ADAMTS4: variants seen among roughly 807,000 people sequenced by gnomAD.
ADAMTS4 encodes A disintegrin and metalloproteinase with thrombospondin motifs 4.
In ADAMTS4, 38 loss-of-function variants were observed where a neutral mutation model predicts 66.7. The observed-to-expected ratio is 0.57, with a 90% CI of 0.44 to 0.75. ADAMTS4 has a LOEUF of 0.75. Ranked by LOEUF, ADAMTS4 falls within the 30% of genes least tolerant of loss-of-function variation. The pLI is 0.00. For missense variants in ADAMTS4, 1,014 were observed against 1,116.7 expected, an observed-to-expected ratio of 0.91 and a Z score of 1.31; for synonymous variants, 418 against 461.5, an observed-to-expected ratio of 0.91 and a Z score of 1.21.
chr1:161,193,839 A>G lies in ADAMTS4; in HGVS notation c.1549-13T>C. ...CAGCCTGTGGAATCTGCAAAGGCAC[A>G]GAACGGAAGTGGGGCATAAGTGAAC... On this transcript the variant is annotated splice_polypyrimidine_tract_variant and intron_variant, in intron 5 of 8. Transcript: ENST00000367996. The surrounding 1 kb of genome is among the most constrained non-coding windows in gnomAD (Gnocchi z 4.4). 1 of 1,595,028 alleles carries G rather than the reference A, an allele frequency of 6.3e-7. No homozygotes were observed. Among genetic ancestry groups the G allele is most frequent in the Non-Finnish European group, 8.5e-7 (1 of 1,169,724 alleles).
rs1664735646 is a variant in ADAMTS4, at chr1:161,193,665, G to A, written c.1710C>T (p.Asn570=). 1 of 1,612,938 alleles carries A rather than the reference G, an allele frequency of 6.2e-7. No individual in the cohort carries two copies. The highest frequency in any genetic ancestry group is 1.3e-5 in the African/African-American group (1 of 74,906). Residue 570 remains asparagine, a synonymous_variant, in exon 6 of 9, where the codon AAC becomes AAT. Transcript: ENST00000367996. The surrounding 1 kb of genome is among the most constrained non-coding windows in gnomAD (Gnocchi z 4.4). ...EGRRTRFRSC[N]TEDCPTGSAL... ...CTGAGCCAGTTGGGCAGTCCTCAGT[G>A]TTGCAGGAGCGGAAGCGGGTACGGC...
chr1:161,195,037 A>G (rs901941322), intron 4 of ADAMTS4, among the ~76,000 whole-genome samples: 1 of 152,204 alleles, frequency 6.6e-6, no homozygotes, highest in African/African-American at 2.4e-5. Context: ...AAAACAAAAC[A>G]AAACAAAACA....
Position 161,193,529 on chromosome 1 carries a change from C to T in ADAMTS4, c.1735+111G>A. Reference sequence around the variant, plus strand: ...AAGGACAATTCCCAGAGGTTAAAGGCACTCCCCACAGCAGCAGGGGAATCA... The same window carrying T: ...AAGGACAATTCCCAGAGGTTAAAGGTACTCCCCACAGCAGCAGGGGAATCA... On this transcript the variant is annotated intron_variant, in intron 6 of 8. Transcript: ENST00000367996. This position sits in a 1 kb window ranked among gnomAD's most constrained non-coding sequence, Gnocchi z 4.4. 6.6e-7 allele frequency: 1 copy of T among 1,508,072 alleles called. No homozygotes were observed. The highest frequency in any genetic ancestry group is 9.0e-7 in the Non-Finnish European group (1 of 1,114,900). 93.4% of individuals were successfully genotyped at this position (1,508,072 alleles called of 1,614,324 possible).
In ADAMTS4 at chr1:161,198,052, G is replaced by T. The variant is rs959554011; in HGVS notation, c.576C>A (p.Pro192=). ...RRKSPASGQG[P]MCNVKAPLGS... ...CAAGAGGAGCCTTGACGTTGCACAT[G>T]GGACCTTGACCGCTGGCAGGACTCT... The change falls in exon 1 of 9, where the codon CCC becomes CCA. Residue 192 remains proline (P), a synonymous_variant. Coordinates refer to ENST00000367996, the MANE Select transcript of ADAMTS4 (RefSeq NM_005099.6). The surrounding 1 kb of genome is among the most constrained non-coding windows in gnomAD (Gnocchi z 4.7). 6.2e-7 allele frequency: 1 copy of T among 1,603,906 alleles called. No individual in the cohort carries two copies. Among genetic ancestry groups the T allele is most frequent in the Non-Finnish European group, 8.5e-7 (1 of 1,173,240 alleles).
chr1:161,196,974 T>G, intron 1 of ADAMTS4, 94 bp from the exon 2 acceptor site: 1 of 1,178,002 alleles, frequency 8.5e-7, no homozygotes. Context: ...GGTCTGGAAC[T>G]CAGCATAGTC....
intron 4 of ADAMTS4, 97 bp downstream of exon 4, chr1:161,195,368 A>G (rs947181447): frequency 7.0e-6 from 9 of 1,293,144 alleles, no homozygotes; most frequent in Middle Eastern, 2.8e-4. Flanking sequence ...CACTTGGGGG[A>G]GGCAATTTGG....
rs1558074428 is a variant in ADAMTS4, at chr1:161,193,408, A to G, written c.1736-20T>C. 1.2e-6 allele frequency: 2 copies of G among 1,608,394 alleles called. No individual in the cohort carries two copies. The highest frequency in any genetic ancestry group is 2.7e-5 in the African/African-American group (2 of 74,932). ...TCAGGGCTGGAGGGGTAAAACAGTC[A>G]GAGCCCCTCCTTCCTTCCTCACATC... On this transcript the variant is annotated intron_variant, in intron 6 of 8. Transcript: ENST00000367996. The surrounding 1 kb of genome is among the most constrained non-coding windows in gnomAD (Gnocchi z 4.4).
At chr1:161,196,912 A>G (rs1571585969) in intron 1 of ADAMTS4, 32 bp from the exon 2 acceptor site, 5 of 1,550,400 alleles carry the variant, frequency 3.2e-6, no homozygotes, top group Non-Finnish European at 4.3e-6. Flanking sequence ...AAGATCCTGA[A>G]ATAGCCTCTC....
At position 161,192,209 on chromosome 1, in the gene ADAMTS4, C is replaced by G. The variant is rs752980389; in HGVS notation, c.1943G>C (p.Ser648Thr). The G allele has an allele frequency of 6.4e-5, 103 of 1,614,020 alleles. No individual in the cohort carries two copies. The South Asian group carries it at 1.1e-3, about 17-fold the overall frequency. ...VVDGTPCSPDSSSVCVQGRCI... is the reference protein window; with the variant it reads ...VVDGTPCSPDTSSVCVQGRCI... The stretch of plus-strand genomic sequence containing the variant: ...TCGGCCCTGGACACAGACCGAGGAG[C>G]TGTCCGGGGAACAGGGGGTCCCATC... The change falls in exon 8 of 9, where the codon AGC becomes ACC. Residue 648 changes from serine (S) to threonine (T), a missense_variant. Transcript: ENST00000367996.
At chr1:161,192,284 C>A in intron 7 of ADAMTS4, 44 bp from the exon 8 acceptor site, 2 of 1,581,762 alleles carry the variant, frequency 1.3e-6, no homozygotes, top group South Asian at 1.1e-5. Flanking sequence ...CCTCCTAAGT[C>A]AAAAGGGGTT....
intron 1 of ADAMTS4, 36 bp from the exon 2 acceptor site, chr1:161,196,916 GC>G: frequency 6.5e-7 from 1 of 1,539,960 alleles, no homozygotes; most frequent in Non-Finnish European, 8.8e-7. Flanking sequence ...TCCTGAAATA[GC>G]CTCTCAGACC....
Position 161,191,064 on chromosome 1 carries a change from C to T in ADAMTS4, c.*74G>A. 2 of 1,468,642 alleles carry T rather than the reference C, an allele frequency of 1.4e-6. No individual in the cohort carries two copies. Among genetic ancestry groups the T allele is most frequent in the Non-Finnish European group, 1.8e-6 (2 of 1,103,116 alleles). 91.0% of individuals were successfully genotyped at this position (1,468,642 alleles called of 1,614,324 possible). On this transcript the variant is annotated 3_prime_UTR_variant, in exon 9 of 9. Transcript: ENST00000367996. ...CCCACTGAGTCTTAGCATGAGGCAGCAACAGAAGCTCTCTCTTTCTCCCAG... is the reference window on the plus strand; with the variant it reads ...CCCACTGAGTCTTAGCATGAGGCAGTAACAGAAGCTCTCTCTTTCTCCCAG...
In ADAMTS4 at chr1:161,191,006, G is replaced by C. The variant is rs1664658161; in HGVS notation, c.*132C>G. 9.3e-7 allele frequency: 1 copy of C among 1,073,426 alleles called. No individual in the cohort carries two copies. The highest frequency in any genetic ancestry group is 1.3e-6 in the Non-Finnish European group (1 of 764,562). 66.5% of individuals were successfully genotyped at this position (1,073,426 alleles called of 1,614,324 possible). A position where few individuals can be genotyped will look rare whatever the true frequency, so the allele number is the denominator to read the frequency against. ...GGGCCAGCCTGCGCATTAGGGCAGA[G>C]AGGAGGGGCAGGTCTCACGCCCACA... On this transcript the variant is annotated 3_prime_UTR_variant, in exon 9 of 9. Coordinates refer to ENST00000367996, the MANE Select transcript of ADAMTS4 (RefSeq NM_005099.6).
chr1:161,198,468 G>T lies in ADAMTS4; in HGVS notation c.160C>A (p.Pro54Thr). ...ACGATCTCCTCCTCCCGGGGGAGGG[G>T]GCTGGCCAGCCGGGCTGAGGGCAGG... ...SLLPSARLAS[P>T]LPREEEIVFP... is the part of the protein sequence containing the mutation. The change falls in exon 1 of 9, where the codon CCC becomes ACC. Residue 54 changes from proline to threonine, a missense_variant. By Grantham distance (38) the Pro-to-Thr change is conservative (BLOSUM62 -1). Transcript: ENST00000367996. The surrounding 1 kb of genome is among the most constrained non-coding windows in gnomAD (Gnocchi z 4.7). 1.3e-6 allele frequency: 2 copies of T among 1,571,206 alleles called. No homozygotes were observed. Among genetic ancestry groups the T allele is most frequent in the Non-Finnish European group, 1.7e-6 (2 of 1,158,554 alleles).
Position 161,195,582 on chromosome 1 carries a change from C to T in ADAMTS4, c.1144G>A (p.Gly382Arg), listed in dbSNP as rs2102014873. Residue 382 changes from glycine to arginine, a missense_variant, in exon 4 of 9, where the codon GGG becomes AGG. Coordinates refer to ENST00000367996, the MANE Select transcript of ADAMTS4 (RefSeq NM_005099.6). ...ACATGGCGAGAGGTGCTCAAAGGCC[C>T]ATTCAAACTGATGCATGGCTTGGAG... ...DNSKPCISLN[G>R]PLSTSRHVMA... is the part of the protein sequence containing the mutation. The T allele has an allele frequency of 1.2e-6, 2 of 1,613,924 alleles. No individual in the cohort carries two copies. The highest frequency in any genetic ancestry group is 1.7e-6 in the Non-Finnish European group (2 of 1,179,898).
chr1:161,187,899 G>A lies in ADAMTS4; in HGVS notation c.*3239C>T, dbSNP rs902015615. 1 of 149,662 alleles carries A rather than the reference G, an allele frequency of 6.7e-6. No homozygotes were observed. Among genetic ancestry groups the A allele is most frequent in the Non-Finnish European group, 1.5e-5 (1 of 67,968 alleles). The allele number at this position is 149,662 out of a possible 1,614,324, so 9.3% of individuals were successfully genotyped here. A position where few individuals can be genotyped will look rare whatever the true frequency, so the allele number is the denominator to read the frequency against. ...CTTGCAGGGTCTACCTACCACCCTT[G>A]CCCATCCCTGTTCCATCCATGACAC... is the stretch of plus-strand genomic sequence containing the variant. On this transcript the variant is annotated 3_prime_UTR_variant, in exon 9 of 9. Coordinates refer to ENST00000367996, the MANE Select transcript of ADAMTS4 (RefSeq NM_005099.6).
intron 7 of ADAMTS4, 138 bp from the exon 8 acceptor site, chr1:161,192,378 G>T: frequency 1.5e-6 from 1 of 675,380 alleles, no homozygotes; most frequent in Non-Finnish European, 2.5e-6. Context: ...AGATGGGTGA[G>T]TGCCGGCCAC....
chr1:161,196,490 T>C (rs1664843090), intron 2 of ADAMTS4, 67 bp downstream of exon 2: 2 of 1,539,992 alleles, frequency 1.3e-6, no homozygotes, highest in Non-Finnish European at 1.8e-6. Flanking sequence ...ATTTGCATCA[T>C]AGTCTATGTA....
At position 161,198,981 on chromosome 1, in the gene ADAMTS4, C is replaced by T; in HGVS notation, c.-354G>A. On this transcript the variant is annotated 5_prime_UTR_variant, in exon 1 of 9. Transcript: ENST00000367996. The surrounding 1 kb of genome is among the most constrained non-coding windows in gnomAD (Gnocchi z 4.7). The stretch of plus-strand genomic sequence containing the variant: ...CCTGTCTCTGCCTTCTTCCGCTGTG[C>T]CTTTGTCTCTGTCTCTTTCCTCCTC... 1 of 243,846 alleles carries T rather than the reference C, an allele frequency of 4.1e-6. No homozygotes were observed. The highest frequency in any genetic ancestry group is 8.0e-5 in the East Asian group (1 of 12,540). The allele number at this position is 243,846 out of a possible 1,614,324, so 15.1% of individuals were successfully genotyped here.
Sources: allele counts gnomAD v4.1 joint callset (sites outside exome capture counted in the v4.1 genomes callset), GRCh38; gene constraint gnomAD v4.1.1; non-coding constraint Gnocchi (gnomAD v3.1); transcripts MANE v1.5; gene names NCBI Gene and HGNC (gene_info 2026-07-23, HGNC 2026-07-21).